Variants in ENTPD4 observed in about 807,000 individuals in gnomAD.
ENTPD4 encodes the protein Golgi UDPase.
Under a neutral mutation model 79.1 loss-of-function variants are expected in ENTPD4, and 60 were observed. That is an observed-to-expected ratio of 0.76 (90% CI 0.62 to 0.94). The LOEUF is 0.94. ENTPD4 is among the 40% of genes least tolerant of loss of function. The pLI, the probability that ENTPD4 is intolerant of heterozygous loss-of-function variation, is 0.00. For missense variants in ENTPD4, 772 were observed against 775.1 expected, an observed-to-expected ratio of 1.00 and a Z score of 0.05; for synonymous variants, 276 against 292.0, an observed-to-expected ratio of 0.95 and a Z score of 0.56.
chr8:23,436,213 G>A (rs552780281), intron 10 of ENTPD4, among the ~76,000 whole-genome samples: 2 of 152,316 alleles, frequency 1.3e-5, no homozygotes, highest in African/African-American at 2.4e-5. Context: ...AGTGCTCTGC[G>A]CTTCGAGATG....
rs1260750185 is a variant in ENTPD4 at position 23,429,957 on chromosome 8, A to G, written c.*2969T>C. On this transcript the variant is annotated 3_prime_UTR_variant, in exon 13 of 13. Transcript: ENST00000358689. ...GAGAAGCCCATGATATGGCTATGGA[A>G]CATAAGCACTTATTGCTGGCATGTT... 1.0e-6 allele frequency: 1 copy of G among 985,368 alleles called. No homozygotes were observed. The highest frequency in any genetic ancestry group is 1.2e-6 in the Non-Finnish European group (1 of 829,950). 61.0% of individuals were successfully genotyped at this position (985,368 alleles called of 1,614,324 possible). A position where few individuals can be genotyped will look rare whatever the true frequency, so the allele number is the denominator to read the frequency against.
intron 9 of ENTPD4, among the ~76,000 whole-genome samples, chr8:23,439,077 T>C (rs182844578): frequency 1.3e-5 from 2 of 152,378 alleles, no homozygotes; most frequent in Admixed American, 1.3e-4. Context: ...ATAGCTTTTA[T>C]GTTCTTACAA....
At chr8:23,453,757 C>T (rs1800905977) in intron 1 of ENTPD4, among the ~76,000 whole-genome samples, 1 of 152,166 alleles carries the variant, frequency 6.6e-6, no homozygotes, top group Admixed American at 6.5e-5. Flanking sequence ...TGCCTATCCT[C>T]TGCTCTACCC....
Position 23,444,581 on chromosome 8 carries a change from T to G in ENTPD4, c.438A>C (p.Pro146=). ...KPGISEFATS[P]EKVSDYISPL... ...GAGAAATGTAATCACTGACTTTCTC[T>G]GGAGAGGTAGCAAATTCTGAAATGC... The change falls in exon 5 of 13, where the codon CCA becomes CCC. Residue 146 remains proline, a synonymous_variant. Transcript: ENST00000358689. 2.5e-6 allele frequency: 4 copies of G among 1,614,200 alleles called. No homozygotes were observed. Among genetic ancestry groups the G allele is most frequent in the Non-Finnish European group, 3.4e-6 (4 of 1,179,996 alleles).
intron 4 of ENTPD4, among the ~76,000 whole-genome samples, chr8:23,445,229 G>C (rs1800745693): frequency 6.6e-6 from 1 of 152,060 alleles, no homozygotes; most frequent in Non-Finnish European, 1.5e-5. Flanking sequence ...GCCTCTCCTT[G>C]GTTCCTCTCA....
In ENTPD4 at chr8:23,448,925, C is replaced by G; in HGVS notation, c.23G>C (p.Cys8Ser). 1 of 1,613,328 alleles carries G rather than the reference C, an allele frequency of 6.2e-7. No homozygotes were observed. Among genetic ancestry groups the G allele is most frequent in the South Asian group, 1.1e-5 (1 of 90,906 alleles). ...AAAATGCCAAGAAGCAGGAAAAAGA[C>G]AGGAGATGCCAATCCTGAAATTAGA... is the stretch of plus-strand genomic sequence containing the variant. MGRIGIS[C>S]LFPASWHFSI... is the part of the protein sequence containing the mutation. The change falls in exon 3 of 13, where the codon TGT becomes TCT. Residue 8 changes from cysteine (C) to serine (S), a missense_variant. Physicochemically the swap from Cys to Ser is moderately radical, Grantham distance 112. Transcript: ENST00000358689.
chr8:23,441,692 A>G lies in ENTPD4; in HGVS notation c.759T>C (p.Pro253=). ...CAATGGCTTCGCTGCTTTCACTTCC[A>G]GGAATGTTAACTTCCACAACGGCCT... ...DDEAVVEVNI[P]GSESSEAIVR... The change falls in exon 8 of 13, where the codon CCT becomes CCC. Residue 253 remains proline (P), a synonymous_variant. Coordinates refer to ENST00000358689, the MANE Select transcript of ENTPD4 (RefSeq NM_004901.5). 1 of 1,614,124 alleles carries G rather than the reference A, an allele frequency of 6.2e-7. No homozygotes were observed. The highest frequency in any genetic ancestry group is 8.5e-7 in the Non-Finnish European group (1 of 1,180,040).
chr8:23,432,938 C>T lies in ENTPD4; in HGVS notation c.1839G>A (p.Pro613=), dbSNP rs17089244. Reference sequence around the variant, plus strand: ...GCTGTGAGCTGGATCACAAGGTCCCCGGGGCATTCTGGGCGGGAAGGCCCT... The same window carrying T: ...GCTGTGAGCTGGATCACAAGGTCCCTGGGGCATTCTGGGCGGGAAGGCCCT... ...MEEGLPAQNA[P]GTL is the part of the protein sequence containing the mutation. Residue 613 remains proline, a synonymous_variant, in exon 13 of 13, where the codon CCG becomes CCA. Coordinates refer to ENST00000358689, the MANE Select transcript of ENTPD4 (RefSeq NM_004901.5). 155,420 of 1,600,626 alleles carry T rather than the reference C, an allele frequency of 0.097. 8,244 individuals carry two copies. The highest frequency in any genetic ancestry group is 0.16 in the South Asian group (14,187 of 89,648).
At chr8:23,457,292 CCGCCAGGTGTCCCCTGCCAGGGGCT>C (rs532936241) in intron 1 of ENTPD4, among the ~76,000 whole-genome samples, 3,196 of 150,248 alleles carry the variant, frequency 0.021, 123 homozygotes, top group African/African-American at 0.073. Context: ...AGGCGCGCGA[CCGCCAGGTGTCCCCTGCCAGGGGCT>C]GGGGGAGCGC....
intron 11 of ENTPD4, chr8:23,434,801 C>A: frequency 1.2e-6 from 1 of 850,774 alleles, no homozygotes; most frequent in Non-Finnish European, 1.5e-6. Context: ...GAACAGGTTC[C>A]AACCTCTTTG....
intron 6 of ENTPD4, among the ~76,000 whole-genome samples, chr8:23,442,644 C>T (rs1800694003): frequency 1.3e-5 from 2 of 151,534 alleles, no homozygotes; most frequent in Non-Finnish European, 2.9e-5. Context: ...GATCGTGCCA[C>T]TGCACTCCAG....
At chr8:23,446,731 AG>A (rs1244795675) in intron 4 of ENTPD4, among the ~76,000 whole-genome samples, 5 of 152,172 alleles carry the variant, frequency 3.3e-5, no homozygotes, top group African/African-American at 1.2e-4. Flanking sequence ...TGAGGACTCG[AG>A]GGGTCACCAT....
Position 23,430,323 on chromosome 8 carries a change from T to G in ENTPD4, c.*2603A>C. ...TCTTGGTTTGTTTCAAAACTCATCT[T>G]GAAAATAATCTAGACGGAAAAATCC... On this transcript the variant is annotated 3_prime_UTR_variant, in exon 13 of 13. Transcript: ENST00000358689. 1 of 985,454 alleles carries G rather than the reference T, an allele frequency of 1.0e-6. No individual in the cohort carries two copies. Among genetic ancestry groups the G allele is most frequent in the Non-Finnish European group, 1.2e-6 (1 of 829,940 alleles). The allele number at this position is 985,454 out of a possible 1,614,324, so 61.0% of individuals were successfully genotyped here.
Position 23,430,256 on chromosome 8 carries a change from T to C in ENTPD4, c.*2670A>G, listed in dbSNP as rs567591532. On this transcript the variant is annotated 3_prime_UTR_variant, in exon 13 of 13. Transcript: ENST00000358689. ...CTCCATACGGCATAATGAACTCCCT[T>C]GAGTGGTCTCTTTTTAAACAATTTT... The C allele has an allele frequency of 8.1e-6, 8 of 985,470 alleles. No individual in the cohort carries two copies. The highest frequency in any genetic ancestry group is 8.4e-6 in the Non-Finnish European group (7 of 829,932). 61.0% of individuals were successfully genotyped at this position (985,470 alleles called of 1,614,324 possible). A position where few individuals can be genotyped will look rare whatever the true frequency, so the allele number is the denominator to read the frequency against.
chr8:23,446,000 C>A (rs1800757483), intron 4 of ENTPD4, among the ~76,000 whole-genome samples: 1 of 152,184 alleles, frequency 6.6e-6, no homozygotes. Context: ...AAAAAATTGA[C>A]TAAACTGTAA....
chr8:23,443,777 G>A, intron 6 of ENTPD4, 73 bp downstream of exon 6: 1 of 837,664 alleles, frequency 1.2e-6, no homozygotes. Context: ...ATAACAAAGG[G>A]TACATTGGTG....
At chr8:23,450,731 T>C (rs1479461758) in intron 1 of ENTPD4, among the ~76,000 whole-genome samples, 1 of 152,194 alleles carries the variant, frequency 6.6e-6, no homozygotes, top group East Asian at 1.9e-4. Context: ...ACTACAATCA[T>C]TACTGAGGCT....
rs1381601795 is a variant in ENTPD4 at position 23,441,704 on chromosome 8, T to C, written c.747A>G (p.Glu249=). 1 of 1,613,928 alleles carries C rather than the reference T, an allele frequency of 6.2e-7. No individual in the cohort carries two copies. The highest frequency in any genetic ancestry group is 1.3e-5 in the African/African-American group (1 of 74,892). Reference sequence around the variant, plus strand: ...TGCTTTCACTTCCAGGAATGTTAACTTCCACAACGGCCTCATCATCTAGAA... The same window carrying C: ...TGCTTTCACTTCCAGGAATGTTAACCTCCACAACGGCCTCATCATCTAGAA... ...HIEDDDEAVV[E]VNIPGSESSE... is the part of the protein sequence containing the mutation. The change falls in exon 8 of 13, where the codon GAA becomes GAG. Residue 249 remains glutamate (E), a synonymous_variant. Coordinates refer to ENST00000358689, the MANE Select transcript of ENTPD4 (RefSeq NM_004901.5).
At chr8:23,437,382 T>C (rs1461745072) in intron 9 of ENTPD4, 124 bp from the exon 10 acceptor site, 2 of 680,578 alleles carry the variant, frequency 2.9e-6, no homozygotes, top group African/African-American at 1.8e-5. Context: ...ACCGTGTCTG[T>C]GGAACAGAAA....
Sources: allele counts gnomAD v4.1 joint callset (sites outside exome capture counted in the v4.1 genomes callset), GRCh38; gene constraint gnomAD v4.1.1; transcripts MANE v1.5; gene names NCBI Gene and HGNC (gene_info 2026-07-23, HGNC 2026-07-21).